Variants in RBFOX1 observed in about 807,000 individuals in gnomAD.
RBFOX1 encodes RNA binding fox-1 homolog 1.
Under a neutral mutation model 57.7 loss-of-function variants are expected in RBFOX1, and 8 were observed. The observed-to-expected ratio is 0.14, with a 90% confidence interval of 0.08 to 0.25. The LOEUF (loss-of-function observed/expected upper bound fraction) is 0.25. Ranked by LOEUF, RBFOX1 falls within the 10% of genes least tolerant of loss-of-function variation. The probability of loss-of-function intolerance (pLI) is 1.00; values close to 1 mark genes in which losing one functional copy is unlikely to be tolerated. For missense variants in RBFOX1, 611 were observed against 548.5 expected, an observed-to-expected ratio of 1.11 and a Z score of -1.14; for synonymous variants, 326 against 222.4, an observed-to-expected ratio of 1.47 and a Z score of -4.15.
At chr16:7,090,818 G>T (rs866935117) in intron 4 of RBFOX1, among the ~76,000 whole-genome samples, 4 of 152,228 alleles carry the variant, frequency 2.6e-5, no homozygotes, top group African/African-American at 9.6e-5. Flanking sequence ...GTTTACTGAG[G>T]ATGTGATCTG....
intron 2 of RBFOX1, among the ~76,000 whole-genome samples, chr16:5,483,119 C>G (rs2069603326): frequency 6.6e-6 from 1 of 152,158 alleles, no homozygotes; most frequent in Non-Finnish European, 1.5e-5. Flanking sequence ...AAACATTTTA[C>G]AAAGCATGTC....
At chr16:6,583,133 C>G (rs1413103263) in intron 2 of RBFOX1, among the ~76,000 whole-genome samples, 1 of 152,160 alleles carries the variant, frequency 6.6e-6, no homozygotes, top group Non-Finnish European at 1.5e-5. Flanking sequence ...ATTCTCCACT[C>G]AGAAAGCCAG....
chr16:7,245,667 T>TTTTGTTTG (rs943712982), intron 4 of RBFOX1, among the ~76,000 whole-genome samples: 1 of 152,216 alleles, frequency 6.6e-6, no homozygotes, highest in African/African-American at 2.4e-5. Flanking sequence ...AGCCTTATGT[T>TTTTGTTTG]TTTGTTTGTT....
At chr16:6,944,541 G>T (rs1383451371) in intron 3 of RBFOX1, among the ~76,000 whole-genome samples, 1 of 152,264 alleles carries the variant, frequency 6.6e-6, no homozygotes, top group East Asian at 1.9e-4. Flanking sequence ...TCACGATCTG[G>T]TATATTTTGT....
rs917065653 is a variant in RBFOX1 at position 6,791,893 on chromosome 16, T to G, written c.-16+137243T>G. Among the ~76,000 whole-genome samples, 6 of 152,210 alleles carry G rather than the reference T, an allele frequency of 3.9e-5. 1 individual carries two copies. Among genetic ancestry groups the G allele is most frequent in the African/African-American group, 1.4e-4 (6 of 41,460 alleles). On this transcript the variant is annotated intron_variant, in intron 3 of 15. Coordinates refer to ENST00000550418, the MANE Select transcript of RBFOX1 (RefSeq NM_018723.4). ...AACTCTTGTTTAATAACTTTATATG[T>G]GTTAAGTTATCTAACACAGAGAGAG...
chr16:7,001,800 C>T (rs781440433), intron 3 of RBFOX1, among the ~76,000 whole-genome samples: 1 of 152,178 alleles, frequency 6.6e-6, no homozygotes, highest in Non-Finnish European at 1.5e-5. Context: ...GGAGGCAGCT[C>T]AATTTGGGAG....
chr16:6,355,564 T>G (rs1188977002), intron 2 of RBFOX1, among the ~76,000 whole-genome samples: 1 of 152,214 alleles, frequency 6.6e-6, no homozygotes, highest in Non-Finnish European at 1.5e-5. Context: ...TTCCAAGTCT[T>G]TGCTATTGTG....
chr16:7,017,644 G>C lies in RBFOX1; in HGVS notation c.-15-34413G>C, dbSNP rs866615146. ...CTCAGGTTGAAATGAGTGTTGCTTT[G>C]TCTCATGGCTGATACATGCTTGACC... On this transcript the variant is annotated intron_variant, in intron 3 of 15. Coordinates refer to ENST00000550418, the MANE Select transcript of RBFOX1 (RefSeq NM_018723.4). 5.3e-5 allele frequency among the ~76,000 whole-genome samples: 8 copies of C among 152,218 alleles called. No individual in the cohort carries two copies. The Middle Eastern group carries it at 0.01, about 194-fold the overall frequency.
chr16:6,326,758 A>C (rs2082415990), intron 2 of RBFOX1, among the ~76,000 whole-genome samples: 1 of 143,154 alleles, frequency 7.0e-6, no homozygotes, highest in Non-Finnish European at 1.5e-5. Context: ...AATTTCAAGC[A>C]GATTGACTAG....
intron 1 of RBFOX1, among the ~76,000 whole-genome samples, chr16:6,123,097 C>T (rs968854513): frequency 2.0e-5 from 3 of 152,048 alleles, no homozygotes; most frequent in Admixed American, 2.0e-4. Context: ...TTTAGGAGAT[C>T]CCTCAAAAGG....
chr16:7,512,571 G>A (rs2075376167), intron 4 of RBFOX1, among the ~76,000 whole-genome samples: 1 of 152,232 alleles, frequency 6.6e-6, no homozygotes, highest in African/African-American at 2.4e-5. Context: ...GGTACAGGAT[G>A]AAATCTGGAG....
intron 1 of RBFOX1, among the ~76,000 whole-genome samples, chr16:5,249,553 T>C (rs2062392915): frequency 6.6e-6 from 1 of 152,248 alleles, no homozygotes; most frequent in Non-Finnish European, 1.5e-5. Context: ...CCTTCTGCCT[T>C]TCCTGCCTTG....
chr16:5,805,701 G>A (rs1334550544), intron 3 of RBFOX1, among the ~76,000 whole-genome samples: 1 of 152,190 alleles, frequency 6.6e-6, no homozygotes, highest in Non-Finnish European at 1.5e-5. Context: ...AGGGCTATAG[G>A]AAGGGTTGCC....
intron 1 of RBFOX1, among the ~76,000 whole-genome samples, chr16:5,448,312 C>T (rs2068315386): frequency 6.6e-6 from 1 of 152,122 alleles, no homozygotes; most frequent in Non-Finnish European, 1.5e-5. Context: ...TACCTCCCAG[C>T]TGGGTCAAAG....
At position 5,857,816 on chromosome 16, in the gene RBFOX1, A is replaced by G. The variant is rs142295603; in HGVS notation, c.319-9487A>G. Among the ~76,000 whole-genome samples the G allele has an allele frequency of 3.6e-4, 55 of 151,666 alleles. No individual in the cohort carries two copies. The East Asian group carries it at 8.8e-3, about 24-fold the overall frequency. Reference sequence around the variant, plus strand: ...CAAAACTTAGCCAGGCATGGTGGTGAGTGCCTGTAGTCCCAGTTAACTGGG... The same window carrying G: ...CAAAACTTAGCCAGGCATGGTGGTGGGTGCCTGTAGTCCCAGTTAACTGGG... On this transcript the variant is annotated intron_variant, in intron 3 of 19. Coordinates refer to the RBFOX1 transcript ENST00000641259.
At chr16:5,639,650 GTCTC>G (rs1449348298) in intron 3 of RBFOX1, among the ~76,000 whole-genome samples, 1 of 152,136 alleles carries the variant, frequency 6.6e-6, no homozygotes. Flanking sequence ...TAGTGCTGCT[GTCTC>G]TCTCTTTCAG....
chr16:7,023,431 G>C (rs1204518509), intron 3 of RBFOX1, among the ~76,000 whole-genome samples: 2 of 151,044 alleles, frequency 1.3e-5, no homozygotes, highest in Non-Finnish European at 2.9e-5. Context: ...TTGAATTCTA[G>C]CCTGGATGAC....
intron 3 of RBFOX1, among the ~76,000 whole-genome samples, chr16:5,863,405 G>A (rs1008898244): frequency 6.6e-6 from 1 of 152,150 alleles, no homozygotes; most frequent in African/African-American, 2.4e-5. Flanking sequence ...TCTGATGACT[G>A]CTGATGGCTT....
chr16:6,620,858 A>C (rs145818923), intron 2 of RBFOX1, among the ~76,000 whole-genome samples: 13 of 152,328 alleles, frequency 8.5e-5, no homozygotes, highest in African/African-American at 2.6e-4. Flanking sequence ...AAAGCTCCAC[A>C]CTTAAAATCC....
Sources: allele counts gnomAD v4.1 joint callset (sites outside exome capture counted in the v4.1 genomes callset), GRCh38; gene constraint gnomAD v4.1.1; transcripts MANE v1.5; gene names NCBI Gene and HGNC (gene_info 2026-07-23, HGNC 2026-07-21).